Variants in SART1 observed in about 807,000 individuals in gnomAD.
SART1 encodes the protein U4/U6.U5 tri-snRNP-associated protein 1.
Under a neutral mutation model 105.0 loss-of-function variants are expected in SART1, and 28 were observed. The ratio of observed to expected loss-of-function variants is 0.27; its 90% CI spans 0.20 to 0.37. The LOEUF is 0.37. SART1 is among the 10% of genes least tolerant of loss of function. SART1 has a pLI of 1.00. For synonymous variants in SART1, 472 were observed against 462.9 expected, an observed-to-expected ratio of 1.02 and a Z score of -0.25; for missense variants, 894 against 1,106.5, an observed-to-expected ratio of 0.81 and a Z score of 2.72.
rs749775864 is a variant in SART1, at chr11:65,965,908, C to G, written c.760C>G (p.Leu254Val). Residue 254 changes from leucine (L) to valine (V), a missense_variant, in exon 7 of 20, where the codon CTG becomes GTG. By Grantham distance (32) the Leu-to-Val change is conservative. Transcript: ENST00000312397. ...RRQDLYSARD[L>V]QGLTVEHAID... ...TTAGGACCTGTACAGTGCCCGGGAC[C>G]TGCAGGGCCTCACCGTGGAGCATGC... 3 of 1,614,122 alleles carry G rather than the reference C, an allele frequency of 1.9e-6. No homozygotes were observed. The highest frequency in any genetic ancestry group is 1.7e-5 in the Admixed American group (1 of 60,016).
chr11:65,970,397 T>G (rs917080369), intron 12 of SART1, among the ~76,000 whole-genome samples: 2 of 152,198 alleles, frequency 1.3e-5, no homozygotes, highest in Non-Finnish European at 2.9e-5. Flanking sequence ...AAAGGAGCCT[T>G]TTCTGACTAC....
Position 65,974,713 on chromosome 11 carries a change from C to T in SART1, c.1573-1682C>T, listed in dbSNP as rs73496487. On this transcript the variant is annotated intron_variant, in intron 12 of 19. Coordinates refer to ENST00000312397, the MANE Select transcript of SART1 (RefSeq NM_005146.5). The stretch of plus-strand genomic sequence containing the variant: ...AGCATATGATGCATTAGATATACCT[C>T]GTTTTATGTTTACAATGTTCATTAA... 5.3e-3 allele frequency among the ~76,000 whole-genome samples: 808 copies of T among 151,868 alleles called. 8 individuals are homozygous for T. Among genetic ancestry groups the T allele is most frequent in the African/African-American group, 0.019 (775 of 41,424 alleles).
At position 65,970,266 on chromosome 11, in the gene SART1, C is replaced by T. The variant is rs150837563; in HGVS notation, c.1572+2445C>T. 3.3e-5 allele frequency among the ~76,000 whole-genome samples: 5 copies of T among 152,340 alleles called. 1 individual carries two copies. Among genetic ancestry groups the T allele is most frequent in the African/African-American group, 1.2e-4 (5 of 41,578 alleles). On this transcript the variant is annotated intron_variant, in intron 12 of 19. Coordinates refer to ENST00000312397, the MANE Select transcript of SART1 (RefSeq NM_005146.5). ...GGCCTTCTCCCGCATAGCCACACTG[C>T]CCTAACAAGCCCATAAATGCTGTAA... is the stretch of plus-strand genomic sequence containing the variant.
rs1377494994 is a variant in SART1, at chr11:65,967,807, G to A, written c.1558G>A (p.Asp520Asn). Residue 520 changes from aspartate to asparagine, a missense_variant, in exon 12 of 20, where the codon GAC becomes AAC. Physicochemically the swap from Asp to Asn is conservative, Grantham distance 23. This residue lies in a region of SART1 where 712 missense variants were observed against 778.2 expected (regional missense o/e 0.91). Transcript: ENST00000312397. The part of the protein sequence containing the change: ...RQLQQLQQLR[D>N]SGEKVVEIVK... The stretch of plus-strand genomic sequence containing the variant: ...GTTACAGCAGCTACAGCAGCTGCGA[G>A]ACAGTGGCGAGAAGGTGAGGCTGGG... 6.5e-6 allele frequency: 10 copies of A among 1,539,778 alleles called. No homozygotes were observed. The highest frequency in any genetic ancestry group is 3.6e-5 in the South Asian group (3 of 83,146).
In SART1 at chr11:65,976,865, T is replaced by A; in HGVS notation, c.1857+99T>A. 2 of 1,185,654 alleles carry A rather than the reference T, an allele frequency of 1.7e-6. No individual in the cohort carries two copies. Among genetic ancestry groups the A allele is most frequent in the Non-Finnish European group, 1.2e-6 (1 of 824,512 alleles). The allele number at this position is 1,185,654 out of a possible 1,614,324, so 73.4% of individuals were successfully genotyped here. A position where few individuals can be genotyped will look rare whatever the true frequency, so the allele number is the denominator to read the frequency against. On this transcript the variant is annotated intron_variant, in intron 14 of 19. Coordinates refer to ENST00000312397, the MANE Select transcript of SART1 (RefSeq NM_005146.5). This position sits in a 1 kb window ranked among gnomAD's most constrained non-coding sequence, Gnocchi z 5.1. ...AGAGCCTCAGCCTCCTCATCCAGAG[T>A]GGGCTCTGCAGACCTCCCAGGGCGA...
intron 12 of SART1, among the ~76,000 whole-genome samples, chr11:65,974,529 A>T (rs1025321222): frequency 6.6e-6 from 1 of 151,670 alleles, no homozygotes; most frequent in South Asian, 2.1e-4. Context: ...AAATACAAAA[A>T]TTAGCTGGTT....
chr11:65,978,661 G>A lies in SART1; in HGVS notation c.2234G>A (p.Arg745Gln), dbSNP rs1360027535. ...GKGSGKMKTERRMKKLDEEAL... is the reference protein window; with the variant it reads ...GKGSGKMKTEQRMKKLDEEAL... The stretch of plus-strand genomic sequence containing the variant: ...GGCTCAGGCAAGATGAAGACAGAGC[G>A]GCGGATGAAGAAGCTGGACGAGGAG... The change falls in exon 18 of 20, where the codon CGG becomes CAG. Residue 745 changes from arginine (R) to glutamine (Q), a missense_variant. This residue lies in a region of SART1 where 182 missense variants were observed against 328.3 expected (regional missense o/e 0.55). Coordinates refer to ENST00000312397, the MANE Select transcript of SART1 (RefSeq NM_005146.5). The surrounding 1 kb of genome is among the most constrained non-coding windows in gnomAD (Gnocchi z 6.8). 1.9e-6 allele frequency: 3 copies of A among 1,597,982 alleles called. No individual in the cohort carries two copies. Among genetic ancestry groups the A allele is most frequent in the African/African-American group, 1.3e-5 (1 of 74,500 alleles).
chr11:65,964,812 G>C (rs548502130), intron 3 of SART1, among the ~76,000 whole-genome samples: 3 of 152,358 alleles, frequency 2.0e-5, no homozygotes, highest in African/African-American at 7.2e-5. Context: ...TGGACTGGAA[G>C]ATGTGCACAC....
At chr11:65,974,371 C>CA (rs55994535) in intron 12 of SART1, among the ~76,000 whole-genome samples, 19,979 of 65,084 alleles carry the variant, frequency 0.31, 3,997 homozygotes, top group Middle Eastern at 0.57. Flanking sequence ...GACTCTGTCT[C>CA]AAAAAAAAAA....
In SART1 at chr11:65,979,051, C is replaced by T. The variant is rs753050424; in HGVS notation, c.*21C>T. 1 of 1,614,102 alleles carries T rather than the reference C, an allele frequency of 6.2e-7. No individual in the cohort carries two copies. Among genetic ancestry groups the T allele is most frequent in the Non-Finnish European group, 8.5e-7 (1 of 1,179,968 alleles). On this transcript the variant is annotated 3_prime_UTR_variant, in exon 20 of 20. Transcript: ENST00000312397. ...AGTGACAGCGCCCTCCCGCCCCGGC[C>T]CTGCCTCAACCTTCATATTAAATAA...
At chr11:65,972,482 G>C (rs768641788) in intron 12 of SART1, among the ~76,000 whole-genome samples, 21 of 152,232 alleles carry the variant, frequency 1.4e-4, no homozygotes, top group Non-Finnish European at 2.2e-4. Context: ...ATAACTTTTT[G>C]GTAGAAAAGA....
At position 65,978,201 on chromosome 11, in the gene SART1, G is replaced by A. The variant is rs375398781; in HGVS notation, c.2172+302G>A. On this transcript the variant is annotated intron_variant, in intron 17 of 19. Transcript: ENST00000312397. The surrounding 1 kb of genome is among the most constrained non-coding windows in gnomAD (Gnocchi z 6.8). ...AGCCCTTCACTGGCTTTCCTGGCCC[G>A]CAGGGCCATTCCAGCGTCCAGGCCC... The A allele has an allele frequency of 2.4e-5, 12 of 507,160 alleles. No homozygotes were observed. The highest frequency in any genetic ancestry group is 6.5e-5 in the South Asian group (3 of 45,902). 31.4% of individuals were successfully genotyped at this position (507,160 alleles called of 1,614,324 possible). A position where few individuals can be genotyped will look rare whatever the true frequency, so the allele number is the denominator to read the frequency against.
chr11:65,970,396 T>G lies in SART1; in HGVS notation c.1572+2575T>G, dbSNP rs145553277. 8.1e-3 allele frequency among the ~76,000 whole-genome samples: 1,234 copies of G among 152,312 alleles called. 18 individuals are homozygous for G. The highest frequency in any genetic ancestry group is 0.027 in the African/African-American group (1,131 of 41,558). ...CAAGTTTCCCACCCGCAAAGGAGCC[T>G]TTTCTGACTACCGGAGATTCTAGAG... On this transcript the variant is annotated intron_variant, in intron 12 of 19. Transcript: ENST00000312397.
intron 12 of SART1, among the ~76,000 whole-genome samples, chr11:65,969,164 A>G (rs1855320082): frequency 6.6e-6 from 1 of 152,108 alleles, no homozygotes; most frequent in African/African-American, 2.4e-5. Context: ...AGGGCTGGAG[A>G]GGACGTATTT....
At position 65,977,082 on chromosome 11, in the gene SART1, G is replaced by C; in HGVS notation, c.1926G>C (p.Leu642=). 2 of 1,613,520 alleles carry C rather than the reference G, an allele frequency of 1.2e-6. No homozygotes were observed. Among genetic ancestry groups the C allele is most frequent in the Non-Finnish European group, 1.7e-6 (2 of 1,179,652 alleles). Residue 642 remains leucine, a synonymous_variant, in exon 15 of 20, where the codon CTG becomes CTC. Transcript: ENST00000312397. ...PIVNRGLAAA[L]LLCQNKGLLE... ...TGAATAGGGGGCTGGCAGCTGCCCT[G>C]CTCCTGTGTCAGAACAAAGGTAGGG...
rs1218718529 is a variant in SART1, at chr11:65,967,263, C to T, written c.1193C>T (p.Thr398Ile). 9 of 1,613,850 alleles carry T rather than the reference C, an allele frequency of 5.6e-6. No homozygotes were observed. Among genetic ancestry groups the T allele is most frequent in the East Asian group, 2.2e-5 (1 of 44,886 alleles). ...SEYLTPEEMV[T>I]FKKTKRRVKK... The stretch of plus-strand genomic sequence containing the variant: ...TCTCGCCCCTCTTCCCTTAAGGTGA[C>T]CTTTAAAAAGACCAAGCGGAGGGTG... Residue 398 changes from threonine to isoleucine, a missense_variant, in exon 10 of 20, where the codon ACC (threonine) becomes ATC (isoleucine). Transcript: ENST00000312397.
intron 12 of SART1, among the ~76,000 whole-genome samples, chr11:65,974,394 A>AAACG (rs1590642649): frequency 7.5e-6 from 1 of 133,066 alleles, no homozygotes; most frequent in East Asian, 2.2e-4. Flanking sequence ...AAAAAAAACC[A>AAACG]TATCAGCCGG....
intron 12 of SART1, among the ~76,000 whole-genome samples, chr11:65,973,173 CA>C (rs201159110): frequency 6.7e-6 from 1 of 149,294 alleles, no homozygotes; most frequent in African/African-American, 2.5e-5. Context: ...GACTCCGTCT[CA>C]AAAAAAAAGA....
intron 12 of SART1, among the ~76,000 whole-genome samples, chr11:65,975,260 G>C (rs971020930): frequency 4.0e-5 from 6 of 151,554 alleles, no homozygotes; most frequent in African/African-American, 1.5e-4. Context: ...ACACCACCAT[G>C]CCTGGTTGAT....
Sources: allele counts gnomAD v4.1 joint callset (sites outside exome capture counted in the v4.1 genomes callset), GRCh38; gene constraint gnomAD v4.1.1; regional missense constraint gnomAD v4.1.1; non-coding constraint Gnocchi (gnomAD v3.1); transcripts MANE v1.5; gene names NCBI Gene and HGNC (gene_info 2026-07-23, HGNC 2026-07-21).